Variants in AP2B1 observed in about 807,000 individuals in gnomAD.
AP2B1 encodes adaptor related protein complex 2 subunit beta 1.
In AP2B1, 23 loss-of-function variants were observed where a neutral mutation model predicts 102.0. The ratio of observed to expected loss-of-function variants is 0.23; its 90% confidence interval spans 0.16 to 0.32. AP2B1 has a LOEUF of 0.32. AP2B1 is among the 10% of genes least tolerant of loss of function. The pLI, the probability that AP2B1 is intolerant of heterozygous loss-of-function variation, is 1.00. For missense variants in AP2B1, 541 were observed against 1,157.4 expected (o/e 0.47, Z 7.73); for synonymous variants, 381 against 421.2 (o/e 0.90, Z 1.17).
chr17:35,629,920 T>G (rs755764248), intron 9 of AP2B1, among the ~76,000 whole-genome samples: 15 of 152,210 alleles, frequency 9.9e-5, no homozygotes, highest in Non-Finnish European at 1.8e-4. Context: ...ATTCAGAAAT[T>G]TGTTGAAATT....
chr17:35,696,052 A>C (rs1160248361), intron 18 of AP2B1, among the ~76,000 whole-genome samples: 1 of 152,136 alleles, frequency 6.6e-6, no homozygotes, highest in Non-Finnish European at 1.5e-5. Context: ...CAGAAAAGGC[A>C]AAATCCTACC....
chr17:35,605,253 C>CCT lies in AP2B1; in HGVS notation c.144-452_144-451insCT, dbSNP rs373653893. ...CTCTTTTCTTTTCTTTTTTTTTTTC[C>CCT]TTTTTTTTTTAGACACAGGAGTCTC... On this transcript the variant is annotated intron_variant, in intron 3 of 21. Coordinates refer to ENST00000610402, the MANE Select transcript of AP2B1 (RefSeq NM_001030006.2). Among the ~76,000 whole-genome samples the CCT allele has an allele frequency of 2.6e-3, 390 of 148,268 alleles. 4 individuals are homozygous for CCT. Among genetic ancestry groups the CCT allele is most frequent in the Non-Finnish European group, 3.6e-4 (24 of 67,074 alleles).
chr17:35,624,649 T>C (rs2142551387), intron 6 of AP2B1, 62 bp downstream of exon 6: 1 of 1,488,362 alleles, frequency 6.7e-7, no homozygotes, highest in Middle Eastern at 1.8e-4. Flanking sequence ...TTCTGGAGTC[T>C]GCTATTAGAA....
intron 3 of AP2B1, among the ~76,000 whole-genome samples, chr17:35,599,196 G>A (rs1210694277): frequency 2.0e-5 from 3 of 152,164 alleles, no homozygotes; most frequent in South Asian, 2.1e-4. Context: ...TGCAATGGTC[G>A]ACTTGAGAAA....
chr17:35,682,428 C>T (rs587618568), intron 17 of AP2B1, among the ~76,000 whole-genome samples: 5 of 148,986 alleles, frequency 3.4e-5, no homozygotes, highest in East Asian at 2.0e-4. Flanking sequence ...CTACAACCTC[C>T]GCCTCCCGAG....
At chr17:35,588,015 A>G (rs904186899) in intron 1 of AP2B1, 1 of 151,306 alleles carries the variant, frequency 6.6e-6, no homozygotes, top group African/African-American at 2.4e-5. Context: ...TCCAGAATTG[A>G]CCCGATGTAA....
chr17:35,665,093 A>G (rs996880740), intron 14 of AP2B1, among the ~76,000 whole-genome samples: 4 of 137,580 alleles, frequency 2.9e-5, no homozygotes, highest in African/African-American at 1.1e-4. Context: ...CACCAATTTG[A>G]TTAATTATAT....
chr17:35,605,765 T>C lies in AP2B1; in HGVS notation c.204T>C (p.Leu68=). 6.2e-7 allele frequency: 1 copy of C among 1,614,196 alleles called. No individual in the cohort carries two copies. Among genetic ancestry groups the C allele is most frequent in the Non-Finnish European group, 8.5e-7 (1 of 1,180,008 alleles). Residue 68 remains leucine (L), a synonymous_variant, in exon 4 of 22, where the codon CTT becomes CTC. Transcript: ENST00000610402. ...MQTDNLELKK[L]VYLYLMNYAK... ...CTGACAATCTGGAACTAAAGAAGCT[T>C]GTGTATCTCTACTTGATGAACTACG...
intron 19 of AP2B1, 107 bp downstream of exon 19, chr17:35,709,415 A>G (rs2076404877): frequency 6.9e-6 from 6 of 874,564 alleles, no homozygotes; most frequent in Admixed American, 5.9e-5. Context: ...TTAAAAAAAA[A>G]TGGGTTAAGG....
intron 21 of AP2B1, among the ~76,000 whole-genome samples, chr17:35,722,488 T>G (rs587755890): frequency 1.2e-4 from 19 of 152,336 alleles, no homozygotes; most frequent in Admixed American, 1.2e-3. Context: ...CATGTTCTTT[T>G]GTTTGGTTTG....
rs1165825980 is a variant in AP2B1, at chr17:35,650,792, A to G, written c.1796+3A>G. On this transcript the variant is annotated splice_donor_region_variant and intron_variant, in intron 13 of 21. Transcript: ENST00000610402. Reference sequence around the variant, plus strand: ...CACTTGCCAATTCATCATGGGAGGTAAGAAGGTGTGAACTGTCTCTGAGTG... The same window carrying G: ...CACTTGCCAATTCATCATGGGAGGTGAGAAGGTGTGAACTGTCTCTGAGTG... 4.3e-6 allele frequency: 7 copies of G among 1,613,812 alleles called. No homozygotes were observed. Among genetic ancestry groups the G allele is most frequent in the South Asian group, 1.1e-5 (1 of 91,066 alleles).
At chr17:35,688,577 A>G (rs587670759) in intron 18 of AP2B1, among the ~76,000 whole-genome samples, 3 of 152,010 alleles carry the variant, frequency 2.0e-5, no homozygotes, top group African/African-American at 7.2e-5. Flanking sequence ...TTCTTATCAG[A>G]CGTCTTGCTA....
intron 7 of AP2B1, among the ~76,000 whole-genome samples, 153 bp downstream of exon 7, chr17:35,626,995 G>A (rs970975452): frequency 1.3e-5 from 2 of 152,156 alleles, no homozygotes; most frequent in African/African-American, 4.8e-5. Flanking sequence ...GCACCAGGAG[G>A]CTAACAGTTG....
Position 35,598,421 on chromosome 17 carries a change from A to G in AP2B1, c.143+86A>G, listed in dbSNP as rs1430315444. 4 of 766,824 alleles carry G rather than the reference A, an allele frequency of 5.2e-6. No homozygotes were observed. The Admixed American group carries it at 8.5e-5, about 16-fold the overall frequency. 47.5% of individuals were successfully genotyped at this position (766,824 alleles called of 1,614,324 possible). On this transcript the variant is annotated intron_variant, in intron 3 of 21. Transcript: ENST00000610402. ...TTACTGCTTTTCCTTTAAAAGTATC[A>G]TAATCATAGAACCTCTAAGAATGGG...
At chr17:35,618,520 T>C (rs1419484341) in intron 5 of AP2B1, among the ~76,000 whole-genome samples, 3 of 152,170 alleles carry the variant, frequency 2.0e-5, no homozygotes, top group Non-Finnish European at 4.4e-5. Context: ...AAATAGTAAT[T>C]TACTTAACAG....
At chr17:35,705,753 C>T (rs1022078311) in intron 18 of AP2B1, among the ~76,000 whole-genome samples, 6 of 152,100 alleles carry the variant, frequency 3.9e-5, no homozygotes, top group Non-Finnish European at 7.4e-5. Flanking sequence ...AACTCCTCAC[C>T]TCAGGTAATC....
chr17:35,661,795 A>G (rs554704009), intron 14 of AP2B1, among the ~76,000 whole-genome samples: 4 of 152,086 alleles, frequency 2.6e-5, no homozygotes, highest in South Asian at 4.2e-4. Context: ...CTTCCCTTAG[A>G]TCTTGTTCTG....
intron 18 of AP2B1, among the ~76,000 whole-genome samples, chr17:35,703,280 A>AG (rs2076275118): frequency 6.7e-6 from 1 of 150,342 alleles, no homozygotes; most frequent in African/African-American, 2.5e-5. Flanking sequence ...AAAAAAAAAA[A>AG]AAGACCTAAA....
At chr17:35,690,093 A>G (rs1463963400) in intron 18 of AP2B1, among the ~76,000 whole-genome samples, 2 of 152,274 alleles carry the variant, frequency 1.3e-5, no homozygotes, top group Middle Eastern at 3.4e-3. Context: ...ACTACTGGAT[A>G]TCATCCCTCA....
Sources: allele counts gnomAD v4.1 joint callset (sites outside exome capture counted in the v4.1 genomes callset), GRCh38; gene constraint gnomAD v4.1.1; transcripts MANE v1.5; gene names NCBI Gene and HGNC (gene_info 2026-07-23, HGNC 2026-07-21).